Variants in EXOC6B observed in about 807,000 individuals in gnomAD.
EXOC6B encodes SEC15 homolog B.
A neutral mutation model predicts 113.5 loss-of-function variants in EXOC6B; 54 were observed. That is an observed-to-expected ratio of 0.48 (90% CI 0.38 to 0.60). EXOC6B has a LOEUF of 0.60. Ranked by LOEUF, EXOC6B falls within the 20% of genes least tolerant of loss-of-function variation. EXOC6B has a pLI of 0.00. For missense variants in EXOC6B, 797 were observed against 977.5 expected (o/e 0.82, Z 2.46); for synonymous variants, 357 against 339.0 (o/e 1.05, Z -0.58).
intron 8 of EXOC6B, among the ~76,000 whole-genome samples, chr2:72,526,778 G>A (rs1701762949): frequency 6.6e-6 from 1 of 151,868 alleles, no homozygotes; most frequent in Non-Finnish European, 1.5e-5. Flanking sequence ...AAGAATACAG[G>A]TGAAGAGAAA....
At chr2:72,419,973 T>C (rs562701717) in intron 18 of EXOC6B, among the ~76,000 whole-genome samples, 1 of 152,254 alleles carries the variant, frequency 6.6e-6, no homozygotes, top group Admixed American at 6.5e-5. Context: ...TTGGGTTGTG[T>C]TCGCTTTTCT....
chr2:72,534,409 A>T (rs977644793), intron 8 of EXOC6B, among the ~76,000 whole-genome samples: 12 of 152,156 alleles, frequency 7.9e-5, no homozygotes, highest in African/African-American at 2.9e-4. Context: ...TTGAAAAAAC[A>T]GAAGAAGAGT....
intron 7 of EXOC6B, among the ~76,000 whole-genome samples, chr2:72,569,899 T>A (rs1024712547): frequency 1.3e-5 from 2 of 152,182 alleles, no homozygotes; most frequent in African/African-American, 4.8e-5. Flanking sequence ...AGAAATTACA[T>A]AATTTGTCCC....
At chr2:72,489,003 T>C (rs1699589231) in intron 16 of EXOC6B, among the ~76,000 whole-genome samples, 1 of 152,214 alleles carries the variant, frequency 6.6e-6, no homozygotes, top group South Asian at 2.1e-4. Flanking sequence ...CCTAGCCTCC[T>C]GATTTTTCCC....
intron 20 of EXOC6B, among the ~76,000 whole-genome samples, chr2:72,248,685 G>A (rs2104535254): frequency 6.6e-6 from 1 of 152,214 alleles, no homozygotes; most frequent in East Asian, 1.9e-4. Flanking sequence ...AGTATTTGTA[G>A]AATAAATGAA....
intron 18 of EXOC6B, among the ~76,000 whole-genome samples, chr2:72,409,108 A>G (rs1013107351): frequency 6.6e-6 from 1 of 152,242 alleles, no homozygotes; most frequent in Non-Finnish European, 1.5e-5. Flanking sequence ...CAAAAGACAC[A>G]TGAAAAAATG....
chr2:72,335,063 A>C, intron 19 of EXOC6B, 43 bp from the exon 20 acceptor site: 4 of 1,548,028 alleles, frequency 2.6e-6, no homozygotes, highest in East Asian at 2.3e-5. Flanking sequence ...TTAACTAACC[A>C]TGGACAGGGA....
In EXOC6B at chr2:72,498,503, T is replaced by C. The variant is rs371735067; in HGVS notation, c.1288A>G (p.Arg430Gly). The part of the protein sequence containing the change: ...NQLFDMLLEI[R>G]DQYSETLLKK... The stretch of plus-strand genomic sequence containing the variant: ...AGCAGAGTTTCACTATATTGGTCTC[T>C]GATTTCTAACAGCATGTCAAAAAGC... Residue 430 changes from arginine to glycine, a missense_variant, in exon 13 of 22, where the codon AGA becomes GGA. By Grantham distance (125) the Arg-to-Gly change is moderately radical. Transcript: ENST00000272427. 5.0e-6 allele frequency: 8 copies of C among 1,611,778 alleles called. No individual in the cohort carries two copies. The African/African-American group carries it at 8.0e-5, about 16-fold the overall frequency.
intron 16 of EXOC6B, among the ~76,000 whole-genome samples, chr2:72,490,614 T>C (rs1311475903): frequency 6.6e-6 from 1 of 152,192 alleles, no homozygotes. Context: ...AGCGTATGCA[T>C]GTTTCTTCAT....
chr2:72,576,334 T>TC (rs1704852329), intron 6 of EXOC6B, among the ~76,000 whole-genome samples: 1 of 151,890 alleles, frequency 6.6e-6, no homozygotes, highest in Non-Finnish European at 1.5e-5. Flanking sequence ...GGTAGTATAA[T>TC]CCCTTCAGCT....
At position 72,492,324 on chromosome 2, in the gene EXOC6B, A is replaced by G. The variant is rs1294517035; in HGVS notation, c.1659T>C (p.Leu553=). ...QNVIKRKNIG[L]TELVQIIINT... is the part of the protein sequence containing the mutation. ...TCATTAGGAGCAGGTTTACCTCAGT[A>G]AGCCCAATATTCTTCCTTTTAATTA... is the stretch of plus-strand genomic sequence containing the variant. Residue 553 remains leucine (L), a synonymous_variant, in exon 16 of 22, where the codon CTT becomes CTC. Transcript: ENST00000272427. The G allele has an allele frequency of 1.9e-6, 3 of 1,608,036 alleles. No individual in the cohort carries two copies. Among genetic ancestry groups the G allele is most frequent in the Non-Finnish European group, 2.6e-6 (3 of 1,174,842 alleles).
chr2:72,203,307 A>G (rs1285532629), intron 20 of EXOC6B, among the ~76,000 whole-genome samples: 3 of 152,198 alleles, frequency 2.0e-5, no homozygotes, highest in African/African-American at 7.2e-5. Context: ...ATCTTAAATT[A>G]TGAATTATTT....
At position 72,177,828 on chromosome 2, in the gene EXOC6B, CTGT is replaced by C. The variant is rs1407501634; in HGVS notation, c.*1504_*1506del. The C allele has an allele frequency of 3.9e-5, 6 of 152,214 alleles. No individual in the cohort carries two copies. The highest frequency in any genetic ancestry group is 1.5e-5 in the Non-Finnish European group (1 of 68,044). 9.4% of individuals were successfully genotyped at this position (152,214 alleles called of 1,614,324 possible). On this transcript the variant is annotated 3_prime_UTR_variant, in exon 22 of 22. Transcript: ENST00000272427. ...TCCCATCAATCCAAGCTGGAAATGC[CTGT>C]GTGGCTTATTTGTCATTGTTTGGTG... is the stretch of plus-strand genomic sequence containing the variant.
chr2:72,456,361 T>C (rs919849981), intron 18 of EXOC6B, among the ~76,000 whole-genome samples: 4 of 152,176 alleles, frequency 2.6e-5, no homozygotes, highest in African/African-American at 9.6e-5. Flanking sequence ...GACTCAAAAA[T>C]GATTGTCAAT....
intron 18 of EXOC6B, among the ~76,000 whole-genome samples, chr2:72,424,663 A>G (rs1456088695): frequency 1.3e-5 from 2 of 152,094 alleles, no homozygotes; most frequent in Admixed American, 6.5e-5. Flanking sequence ...GAGGCTATAA[A>G]TTTTCCTTGA....
intron 1 of EXOC6B, among the ~76,000 whole-genome samples, chr2:72,751,472 T>C (rs1372681173): frequency 2.6e-5 from 4 of 152,034 alleles, no homozygotes; most frequent in African/African-American, 4.8e-5. Context: ...GCAGAGAGAA[T>C]AGACTGTAAA....
chr2:72,552,495 G>C (rs768030296), intron 8 of EXOC6B, among the ~76,000 whole-genome samples: 1 of 152,006 alleles, frequency 6.6e-6, no homozygotes. Flanking sequence ...AGAAAAAAGG[G>C]GGAGATGTCC....
chr2:72,310,410 G>A (rs927851870), intron 20 of EXOC6B, among the ~76,000 whole-genome samples: 1 of 152,062 alleles, frequency 6.6e-6, no homozygotes, highest in African/African-American at 2.4e-5. Context: ...ATCTTATCAT[G>A]TGCTTATTGT....
At chr2:72,353,207 G>C (rs1484659048) in intron 19 of EXOC6B, among the ~76,000 whole-genome samples, 2 of 152,130 alleles carry the variant, frequency 1.3e-5, no homozygotes, top group Non-Finnish European at 1.5e-5. Flanking sequence ...CACTGCCCTT[G>C]AGCTAATGGT....
Sources: gnomAD v4.1 joint callset for allele counts (sites outside exome capture counted in the v4.1 genomes callset) on GRCh38, gnomAD v4.1.1 for gene constraint, MANE v1.5 for transcripts, NCBI Gene and HGNC (gene_info 2026-07-23, HGNC 2026-07-21) for gene names.